The following KCNIP4 variants were observed in gnomAD, a reference collection of about 807,000 sequenced individuals.
KCNIP4 encodes the protein Kv channel-interacting protein 4.
Under a neutral mutation model 34.0 loss-of-function variants are expected in KCNIP4, and 12 were observed. The observed-to-expected ratio is 0.35, with a 90% CI of 0.23 to 0.57. The LOEUF (loss-of-function observed/expected upper bound fraction) is 0.57. Ranked by LOEUF, KCNIP4 falls within the 20% of genes least tolerant of loss-of-function variation. The probability of loss-of-function intolerance (pLI) is 0.83; values close to 1 mark genes in which losing one functional copy is unlikely to be tolerated. For missense variants in KCNIP4, 238 were observed against 311.7 expected (o/e 0.76, Z 1.78); for synonymous variants, 124 against 102.2 (o/e 1.21, Z -1.29).
At chr4:21,861,062 T>G (rs1205826073) in intron 1 of KCNIP4, among the ~76,000 whole-genome samples, 1 of 152,224 alleles carries the variant, frequency 6.6e-6, no homozygotes, top group Non-Finnish European at 1.5e-5. Flanking sequence ...TGTACATAGA[T>G]ATTAAAGATT....
At chr4:21,876,768 T>A (rs1400162578) in intron 1 of KCNIP4, among the ~76,000 whole-genome samples, 1 of 151,856 alleles carries the variant, frequency 6.6e-6, no homozygotes, top group Non-Finnish European at 1.5e-5. Context: ...AAAAAGTGAG[T>A]GAAAGTTCAA....
At chr4:21,403,101 C>A (rs939100268) in intron 1 of KCNIP4, among the ~76,000 whole-genome samples, 1 of 152,180 alleles carries the variant, frequency 6.6e-6, no homozygotes, top group Non-Finnish European at 1.5e-5. Flanking sequence ...GAGTTGGTAA[C>A]TGTTTCTTCC....
intron 3 of KCNIP4, among the ~76,000 whole-genome samples, chr4:20,841,953 C>T (rs1719775685): frequency 6.6e-6 from 1 of 152,070 alleles, no homozygotes; most frequent in African/African-American, 2.4e-5. Flanking sequence ...ATTGCAGATA[C>T]AATGCAATGC....
intron 1 of KCNIP4, among the ~76,000 whole-genome samples, chr4:21,032,247 A>G (rs536414560): frequency 1.5e-4 from 23 of 152,238 alleles, no homozygotes; most frequent in South Asian, 1.0e-3. Context: ...TCTACTTGAC[A>G]TGGACTGTTT....
intron 1 of KCNIP4, among the ~76,000 whole-genome samples, chr4:21,675,421 A>G (rs1210738853): frequency 1.3e-5 from 2 of 152,168 alleles, no homozygotes; most frequent in Non-Finnish European, 2.9e-5. Context: ...ACTTAATCAT[A>G]TATTTTTAAA....
At chr4:21,025,054 A>G (rs1416470766) in intron 1 of KCNIP4, among the ~76,000 whole-genome samples, 3 of 152,212 alleles carry the variant, frequency 2.0e-5, no homozygotes, top group Non-Finnish European at 4.4e-5. Flanking sequence ...ACCTGAGAGG[A>G]GATTTACCAG....
At chr4:21,838,729 A>C (rs1723494399) in intron 1 of KCNIP4, among the ~76,000 whole-genome samples, 1 of 152,182 alleles carries the variant, frequency 6.6e-6, no homozygotes. Flanking sequence ...ATTTGTATCT[A>C]TAGGGAGGTA....
chr4:21,252,600 G>T (rs186151609), intron 1 of KCNIP4, among the ~76,000 whole-genome samples: 292 of 152,068 alleles, frequency 1.9e-3, no homozygotes, highest in Non-Finnish European at 3.0e-3. Flanking sequence ...TAACACCCCT[G>T]TGTGATGTCC....
intron 1 of KCNIP4, among the ~76,000 whole-genome samples, chr4:21,182,083 C>A (rs1002156996): frequency 6.6e-6 from 1 of 151,958 alleles, no homozygotes; most frequent in African/African-American, 2.4e-5. Context: ...ACATTCAGAC[C>A]AATTAGAAAG....
intron 1 of KCNIP4, among the ~76,000 whole-genome samples, chr4:21,375,626 G>A (rs1720890950): frequency 6.6e-6 from 1 of 150,830 alleles, no homozygotes; most frequent in African/African-American, 2.4e-5. Context: ...GAGTGCAGTG[G>A]TGCGATCTCT....
At chr4:21,650,465 C>T (rs530457185) in intron 1 of KCNIP4, among the ~76,000 whole-genome samples, 19 of 152,156 alleles carry the variant, frequency 1.2e-4, no homozygotes, top group Non-Finnish European at 2.1e-4. Context: ...CTCTATTCTT[C>T]TCCTTGAGGT....
chr4:21,256,127 T>C (rs764971854), intron 1 of KCNIP4, among the ~76,000 whole-genome samples: 1 of 152,122 alleles, frequency 6.6e-6, no homozygotes, highest in Non-Finnish European at 1.5e-5. Flanking sequence ...AAGAAACTAC[T>C]TCTATGTGGA....
intron 1 of KCNIP4, among the ~76,000 whole-genome samples, chr4:21,924,951 A>T (rs1283655515): frequency 6.6e-6 from 1 of 152,090 alleles, no homozygotes; most frequent in Non-Finnish European, 1.5e-5. Flanking sequence ...GATAGTGGTC[A>T]GTGATCTCTA....
At position 20,928,151 on chromosome 4, in the gene KCNIP4, T is replaced by C. The variant is rs990550003; in HGVS notation, c.62-45442A>G. Reference sequence around the variant, plus strand: ...TATATGGCATTTTTAATGTCACCTATAAAACTACGTATAATCTATAAATTA... The same window carrying C: ...TATATGGCATTTTTAATGTCACCTACAAAACTACGTATAATCTATAAATTA... On this transcript the variant is annotated intron_variant, in intron 1 of 8. Coordinates refer to ENST00000382152, the MANE Select transcript of KCNIP4 (RefSeq NM_025221.6). Among the ~76,000 whole-genome samples the C allele has an allele frequency of 2.0e-4, 30 of 152,158 alleles. No individual in the cohort carries two copies. The East Asian group carries it at 5.6e-3, about 28-fold the overall frequency.
chr4:21,071,975 T>TC (rs35207870), intron 1 of KCNIP4, among the ~76,000 whole-genome samples: 21,280 of 152,248 alleles, frequency 0.14, 1,713 homozygotes, highest in East Asian at 0.24. Context: ...CATGAACTCA[T>TC]CCTTTTTTAT....
chr4:20,981,133 T>G (rs1350601136), intron 1 of KCNIP4, among the ~76,000 whole-genome samples: 1 of 152,192 alleles, frequency 6.6e-6, no homozygotes. Context: ...ATCCTCAGAC[T>G]CTGCTTGAAC....
intron 1 of KCNIP4, among the ~76,000 whole-genome samples, chr4:21,712,380 T>C (rs1713799590): frequency 6.6e-6 from 1 of 152,304 alleles, no homozygotes; most frequent in South Asian, 2.1e-4. Flanking sequence ...TGTCTCCTCG[T>C]GTGCTAGTGA....
chr4:21,400,567 TCTC>T (rs1723461033), intron 1 of KCNIP4, among the ~76,000 whole-genome samples: 2 of 76,698 alleles, frequency 2.6e-5, no homozygotes, highest in Non-Finnish European at 3.1e-5. Context: ...TCTCTTCTCT[TCTC>T]TTCTCTTCGT....
intron 3 of KCNIP4, among the ~76,000 whole-genome samples, chr4:20,821,843 G>GGT (rs1426401120): frequency 2.0e-5 from 3 of 151,146 alleles, no homozygotes; most frequent in African/African-American, 7.3e-5. Context: ...AGTATTTCAT[G>GGT]GTGTGTGTGT....
Sources: gnomAD v4.1 joint callset for allele counts (sites outside exome capture counted in the v4.1 genomes callset) on GRCh38, gnomAD v4.1.1 for gene constraint, MANE v1.5 for transcripts, NCBI Gene and HGNC (gene_info 2026-07-23, HGNC 2026-07-21) for gene names.